Variants in MYO6 observed in about 807,000 individuals in gnomAD.
The protein encoded by MYO6 is myosin VI.
MYO6 carries 74 observed loss-of-function variants against 178.7 expected under a neutral mutation model. The observed-to-expected ratio is 0.41, with a 90% CI of 0.34 to 0.50. The LOEUF is 0.50. Among genes scored for constraint, MYO6 ranks in the 20% least tolerant of loss-of-function variants. The pLI, the probability that MYO6 is intolerant of heterozygous loss-of-function variation, is 0.09. For missense variants in MYO6, 1,330 were observed against 1,547.4 expected, an observed-to-expected ratio of 0.86 and a Z score of 2.36; for synonymous variants, 477 against 504.6, an observed-to-expected ratio of 0.95 and a Z score of 0.73.
chr6:75,780,670 G>A (rs191782894), intron 1 of MYO6, among the ~76,000 whole-genome samples: 55 of 152,128 alleles, frequency 3.6e-4, no homozygotes, highest in Admixed American at 2.2e-3. Flanking sequence ...GGGTTGAAGA[G>A]GGCATTTACT....
intron 5 of MYO6, among the ~76,000 whole-genome samples, chr6:75,832,519 T>A (rs187196436): frequency 6.6e-6 from 1 of 152,260 alleles, no homozygotes; most frequent in Admixed American, 6.5e-5. Context: ...ATAGTGACCA[T>A]TTTTTTAATC....
intron 1 of MYO6, among the ~76,000 whole-genome samples, chr6:75,784,111 A>C (rs1200152930): frequency 6.6e-6 from 1 of 152,106 alleles, no homozygotes; most frequent in Non-Finnish European, 1.5e-5. Flanking sequence ...AGCTGGGATC[A>C]CAGGCGCATG....
At chr6:75,859,793 G>A (rs187163281) in intron 14 of MYO6, among the ~76,000 whole-genome samples, 2 of 151,924 alleles carry the variant, frequency 1.3e-5, no homozygotes, top group Admixed American at 1.3e-4. Context: ...CTGAGTAGCT[G>A]GGACTACAGG....
intron 3 of MYO6, among the ~76,000 whole-genome samples, chr6:75,828,114 G>A (rs1020953816): frequency 3.3e-5 from 5 of 152,080 alleles, no homozygotes; most frequent in African/African-American, 1.2e-4. Flanking sequence ...ATGATTTGAT[G>A]GTCTGTTCCC....
At chr6:75,907,374 A>G (rs977239650) in intron 30 of MYO6, among the ~76,000 whole-genome samples, 1 of 152,182 alleles carries the variant, frequency 6.6e-6, no homozygotes, top group Non-Finnish European at 1.5e-5. Flanking sequence ...TTAGAATCAA[A>G]AGTTTGGATT....
intron 1 of MYO6, among the ~76,000 whole-genome samples, chr6:75,810,296 A>T (rs564380333): frequency 6.6e-6 from 1 of 152,328 alleles, no homozygotes; most frequent in African/African-American, 2.4e-5. Flanking sequence ...TTTCCTCCAC[A>T]AAAGACAGCT....
chr6:75,862,474 A>G (rs1776285172), intron 15 of MYO6, 122 bp from the exon 16 acceptor site: 3 of 890,814 alleles, frequency 3.4e-6, no homozygotes, highest in African/African-American at 1.7e-5. Context: ...GAGAACACAT[A>G]TAGAATCACA....
chr6:75,770,340 TATAAAG>T (rs1029727312), intron 1 of MYO6, among the ~76,000 whole-genome samples: 1 of 152,232 alleles, frequency 6.6e-6, no homozygotes, highest in Non-Finnish European at 1.5e-5. Flanking sequence ...GAGAGATTGT[TATAAAG>T]ATACAAAGAG....
At chr6:75,879,030 C>G (rs1777793902) in intron 20 of MYO6, among the ~76,000 whole-genome samples, 1 of 152,206 alleles carries the variant, frequency 6.6e-6, no homozygotes. Flanking sequence ...TATAGTGAAA[C>G]AGTGAGCTCT....
chr6:75,807,977 C>T (rs376261205), intron 1 of MYO6, among the ~76,000 whole-genome samples: 21 of 152,342 alleles, frequency 1.4e-4, no homozygotes, highest in East Asian at 3.9e-4. Context: ...ATGCCTCTGA[C>T]GCTCTTCCAT....
chr6:75,756,904 TATATATACAC>T lies in MYO6; in HGVS notation c.-48+7489_-48+7498del, dbSNP rs1390878159. Among the ~76,000 whole-genome samples the T allele has an allele frequency of 3.9e-4, 36 of 93,190 alleles. 1 individual carries two copies. Among genetic ancestry groups the T allele is most frequent in the East Asian group, 1.8e-3 (7 of 3,888 alleles). The allele number at this position is 93,190 out of a possible 152,430, so 61.1% of individuals were successfully genotyped here. The stretch of plus-strand genomic sequence containing the variant: ...TGTGTGTTGTGTGTGTATATATATA[TATATATACAC>T]ATATATATACACACCATATATAGTG... On this transcript the variant is annotated intron_variant, in intron 1 of 34. Transcript: ENST00000369977.
At chr6:75,895,991 G>A (rs570483058) in intron 29 of MYO6, among the ~76,000 whole-genome samples, 3 of 152,084 alleles carry the variant, frequency 2.0e-5, no homozygotes, top group Admixed American at 6.6e-5. Context: ...TGGTGCTAAT[G>A]TATCTTTTTC....
intron 16 of MYO6, 54 bp downstream of exon 16, chr6:75,862,777 A>G: frequency 6.3e-7 from 1 of 1,585,654 alleles, no homozygotes; most frequent in Non-Finnish European, 8.7e-7. Flanking sequence ...CATTATTAAA[A>G]AGGTGCATTA....
chr6:75,891,425 G>A (rs1247470242), intron 27 of MYO6, 119 bp downstream of exon 27: 3 of 611,412 alleles, frequency 4.9e-6, no homozygotes, highest in Non-Finnish European at 8.9e-6. Context: ...GAGGTCAGGA[G>A]ATCAAGACCA....
intron 30 of MYO6, among the ~76,000 whole-genome samples, chr6:75,906,361 A>T (rs1048246254): frequency 6.6e-6 from 1 of 152,176 alleles, no homozygotes; most frequent in Admixed American, 6.5e-5. Flanking sequence ...TTTCTGATTA[A>T]TGATCTCAAA....
At chr6:75,846,173 A>G (rs1774715188) in intron 10 of MYO6, among the ~76,000 whole-genome samples, 1 of 151,978 alleles carries the variant, frequency 6.6e-6, no homozygotes, top group Admixed American at 6.6e-5. Context: ...CAACCCTTAT[A>G]AATTTTAATA....
intron 1 of MYO6, among the ~76,000 whole-genome samples, chr6:75,781,099 C>T (rs999378944): frequency 7.2e-5 from 11 of 152,076 alleles, no homozygotes; most frequent in African/African-American, 2.7e-4. Flanking sequence ...AGGCATAAGC[C>T]ACCGTGCCCA....
chr6:75,857,287 G>A, intron 13 of MYO6, 33 bp downstream of exon 13: 1 of 1,596,240 alleles, frequency 6.3e-7, no homozygotes. Flanking sequence ...GTATATATTT[G>A]TTTCATATTT....
chr6:75,793,639 G>A (rs184121976), intron 1 of MYO6, among the ~76,000 whole-genome samples: 11 of 152,132 alleles, frequency 7.2e-5, no homozygotes, highest in African/African-American at 2.6e-4. Flanking sequence ...ATGTAAAATT[G>A]TCAGATTAAT....
Sources: gnomAD v4.1 joint callset for allele counts (sites outside exome capture counted in the v4.1 genomes callset) on GRCh38, gnomAD v4.1.1 for gene constraint, MANE v1.5 for transcripts, NCBI Gene and HGNC (gene_info 2026-07-23, HGNC 2026-07-21) for gene names.